SDK1: variants seen among roughly 807,000 people sequenced by gnomAD.
SDK1 encodes the protein protein sidekick-1.
SDK1 carries 157 observed loss-of-function variants against 245.5 expected under a neutral mutation model. The observed-to-expected ratio is 0.64, with a 90% CI of 0.56 to 0.73. SDK1 has a LOEUF of 0.73. Among genes scored for constraint, SDK1 ranks in the 30% least tolerant of loss-of-function variants. The pLI is 0.00. For missense variants in SDK1, 3,583 were observed against 3,002.3 expected (o/e 1.19, Z -4.52); for synonymous variants, 1,647 against 1,278.5 (o/e 1.29, Z -6.15).
At chr7:4,093,892 G>A (rs766474501) in intron 22 of SDK1, among the ~76,000 whole-genome samples, 117 of 152,136 alleles carry the variant, frequency 7.7e-4, no homozygotes, top group Non-Finnish European at 1.4e-3. Flanking sequence ...TCTCTAGCAC[G>A]TCCTTGGTCC....
intron 5 of SDK1, among the ~76,000 whole-genome samples, chr7:3,868,473 G>A (rs901351057): frequency 2.6e-5 from 4 of 152,152 alleles, no homozygotes; most frequent in Non-Finnish European, 4.4e-5. Flanking sequence ...GGTGACAACT[G>A]GTTAATGAAT....
chr7:3,506,989 G>C (rs77798192), intron 1 of SDK1, among the ~76,000 whole-genome samples: 1 of 151,804 alleles, frequency 6.6e-6, no homozygotes, highest in Admixed American at 6.6e-5. Flanking sequence ...TTTTATTTTT[G>C]TGGGAAGCTA....
chr7:3,814,326 C>T (rs1233307513), intron 4 of SDK1, among the ~76,000 whole-genome samples: 8 of 148,164 alleles, frequency 5.4e-5, no homozygotes, highest in Non-Finnish European at 7.5e-5. Flanking sequence ...CAGCTTTCTA[C>T]ATATGGCTAG....
chr7:3,671,209 T>A (rs1783692002), intron 4 of SDK1, among the ~76,000 whole-genome samples: 1 of 152,226 alleles, frequency 6.6e-6, no homozygotes, highest in Admixed American at 6.5e-5. Context: ...TCGTGTCTGT[T>A]TCTGACTTTA....
At chr7:4,101,923 C>T (rs988962696) in intron 22 of SDK1, among the ~76,000 whole-genome samples, 1 of 152,036 alleles carries the variant, frequency 6.6e-6, no homozygotes, top group Non-Finnish European at 1.5e-5. Context: ...GAGCCAGCAC[C>T]CCAGGAACCC....
intron 4 of SDK1, among the ~76,000 whole-genome samples, chr7:3,672,225 A>G (rs964790734): frequency 6.6e-6 from 1 of 152,026 alleles, no homozygotes; most frequent in African/African-American, 2.4e-5. Flanking sequence ...GTGAGAATGA[A>G]AACATCCTCA....
rs188556367 is a variant in SDK1 at position 3,551,538 on chromosome 7, G to C, written c.299-67542G>C. Among the ~76,000 whole-genome samples the C allele has an allele frequency of 3.1e-3, 473 of 151,640 alleles. 1 individual carries two copies. Among genetic ancestry groups the C allele is most frequent in the Non-Finnish European group, 5.0e-3 (341 of 67,922 alleles). ...AAGTTGTGCATCAGTTAAACTGAAA[G>C]CTTGCTTTGCTTGCCTCATTGGTTT... On this transcript the variant is annotated intron_variant, in intron 1 of 44. Coordinates refer to ENST00000404826, the MANE Select transcript of SDK1 (RefSeq NM_152744.4).
At chr7:3,582,237 A>G (rs1210617545) in intron 1 of SDK1, among the ~76,000 whole-genome samples, 1 of 151,620 alleles carries the variant, frequency 6.6e-6, no homozygotes, top group Non-Finnish European at 1.5e-5. Context: ...TGTCTCAGGT[A>G]GGTCTCCCTC....
chr7:3,781,511 A>C (rs1780737151), intron 4 of SDK1, among the ~76,000 whole-genome samples: 1 of 152,190 alleles, frequency 6.6e-6, no homozygotes, highest in Admixed American at 6.5e-5. Flanking sequence ...CAAGGATTAC[A>C]ATGACTCAAG....
At chr7:4,172,800 C>T (rs1312593187) in intron 32 of SDK1, among the ~76,000 whole-genome samples, 1 of 152,204 alleles carries the variant, frequency 6.6e-6, no homozygotes, top group African/African-American at 2.4e-5. Context: ...GGACGCGTTA[C>T]TCCAGTCTCT....
chr7:3,394,210 A>G (rs1001222799), intron 1 of SDK1, among the ~76,000 whole-genome samples: 13 of 152,012 alleles, frequency 8.6e-5, no homozygotes, highest in African/African-American at 3.1e-4. Context: ...CCCGACCCTC[A>G]TTTTGAGTTA....
At chr7:3,403,345 T>C (rs940011060) in intron 1 of SDK1, among the ~76,000 whole-genome samples, 3 of 152,180 alleles carry the variant, frequency 2.0e-5, no homozygotes, top group Admixed American at 2.0e-4. Context: ...AAGTGATGAA[T>C]GGTTGCTTCT....
chr7:3,916,034 C>T (rs1038148323), intron 5 of SDK1, among the ~76,000 whole-genome samples: 1 of 152,182 alleles, frequency 6.6e-6, no homozygotes, highest in Non-Finnish European at 1.5e-5. Context: ...AGGTTGAGGG[C>T]ACACCCAGGA....
At chr7:3,909,211 C>CA in intron 5 of SDK1, among the ~76,000 whole-genome samples, 3 of 152,300 alleles carry the variant, frequency 2.0e-5, no homozygotes, top group Admixed American at 2.0e-4. Context: ...CTCCATCATA[C>CA]ACCTGTTTTC....
chr7:3,697,540 C>T (rs558799670), intron 4 of SDK1, among the ~76,000 whole-genome samples: 1 of 152,228 alleles, frequency 6.6e-6, no homozygotes, highest in African/African-American at 2.4e-5. Context: ...TCTAATACCC[C>T]TTTTTTTGAG....
At chr7:3,373,810 A>G (rs1483029822) in intron 1 of SDK1, among the ~76,000 whole-genome samples, 1 of 152,166 alleles carries the variant, frequency 6.6e-6, no homozygotes, top group Non-Finnish European at 1.5e-5. Context: ...CAGTGTACAA[A>G]CTTCAGTAGC....
At chr7:3,855,230 C>G (rs1017889973) in intron 5 of SDK1, among the ~76,000 whole-genome samples, 3 of 152,018 alleles carry the variant, frequency 2.0e-5, no homozygotes, top group Non-Finnish European at 4.4e-5. Context: ...TACCTGGAAT[C>G]TCAAATAGAA....
chr7:3,502,094 TAGTC>T (rs1456758425), intron 1 of SDK1, among the ~76,000 whole-genome samples: 24 of 152,248 alleles, frequency 1.6e-4, no homozygotes, highest in Non-Finnish European at 3.2e-4. Flanking sequence ...TAGTGGGGTT[TAGTC>T]AGTCACTATA....
chr7:3,581,854 G>C (rs1475794446), intron 1 of SDK1, among the ~76,000 whole-genome samples: 1 of 152,224 alleles, frequency 6.6e-6, no homozygotes, highest in East Asian at 1.9e-4. Context: ...CAGGGACATG[G>C]GTGAAGCTGG....
Sources: gnomAD v4.1 joint callset for allele counts (sites outside exome capture counted in the v4.1 genomes callset) on GRCh38, gnomAD v4.1.1 for gene constraint, MANE v1.5 for transcripts, NCBI Gene and HGNC (gene_info 2026-07-23, HGNC 2026-07-21) for gene names.